The following CASS4 variants were observed in gnomAD, a reference collection of about 807,000 sequenced individuals.
CASS4 encodes cas scaffolding protein family member 4.
CASS4 carries 22 observed loss-of-function variants against 54.2 expected under a neutral mutation model. The observed-to-expected ratio is 0.41, with a 90% CI of 0.29 to 0.58. The LOEUF (loss-of-function observed/expected upper bound fraction) is 0.58, where lower values mean the gene tolerates loss of function less well. CASS4 is among the 20% of genes least tolerant of loss of function. The pLI is 0.36. For missense variants in CASS4, 854 were observed against 986.7 expected (o/e 0.87, Z 1.80); for synonymous variants, 409 against 391.5 (o/e 1.04, Z -0.53).
At chr20:56,447,925 G>A (rs370178675) in intron 3 of CASS4, among the ~76,000 whole-genome samples, 2 of 152,184 alleles carry the variant, frequency 1.3e-5, no homozygotes, top group South Asian at 4.1e-4. Context: ...GGTAGATCAC[G>A]AGGTCAGGAG....
intron 1 of CASS4, among the ~76,000 whole-genome samples, chr20:56,417,587 T>G (rs1424777809): frequency 1.3e-5 from 2 of 152,252 alleles, no homozygotes; most frequent in African/African-American, 2.4e-5. Context: ...GCTTTCTTAC[T>G]CAGTGCTGCA....
intron 1 of CASS4, among the ~76,000 whole-genome samples, chr20:56,422,644 G>A (rs956951265): frequency 3.3e-5 from 5 of 152,144 alleles, no homozygotes; most frequent in Non-Finnish European, 5.9e-5. Flanking sequence ...CCGTTAGTAG[G>A]CAGTGCCTCC....
chr20:56,422,797 C>T lies in CASS4; in HGVS notation c.36+10303C>T, dbSNP rs114995219. Among the ~76,000 whole-genome samples, 1,235 of 152,308 alleles carry T rather than the reference C, an allele frequency of 8.1e-3. 16 individuals are homozygous for T. Among genetic ancestry groups the T allele is most frequent in the African/African-American group, 0.029 (1,185 of 41,564 alleles). ...TATTCACAGCATGTGCCATTCTCCA[C>T]GATTATTTTTAGAGGTCTTAAGAAA... On this transcript the variant is annotated intron_variant, in intron 1 of 5. Transcript: ENST00000679887.
chr20:56,419,721 G>A (rs550389623), intron 1 of CASS4, among the ~76,000 whole-genome samples: 36 of 144,794 alleles, frequency 2.5e-4, no homozygotes, highest in East Asian at 2.5e-4. Flanking sequence ...GTGAGCCACC[G>A]TGCCCGGCTA....
In CASS4 at chr20:56,414,505, C is replaced by T. The variant is rs1194725230; in HGVS notation, c.36+2011C>T. On this transcript the variant is annotated intron_variant, in intron 1 of 5. Coordinates refer to ENST00000679887, the MANE Select transcript of CASS4 (RefSeq NM_020356.4). This position sits in a 1 kb window ranked among gnomAD's most constrained non-coding sequence, Gnocchi z 4.1. ...TGTTGTCCAAGCTGGACTCAAATTC[C>T]TGAACTCAGGTGATTCTTCTGCCTC... Among the ~76,000 whole-genome samples, 1 of 152,090 alleles carries T rather than the reference C, an allele frequency of 6.6e-6. No homozygotes were observed. The highest frequency in any genetic ancestry group is 1.5e-5 in the Non-Finnish European group (1 of 68,020).
Position 56,430,163 on chromosome 20 carries a change from T to G in CASS4, c.37-7001T>G, listed in dbSNP as rs1337395511. On this transcript the variant is annotated intron_variant, in intron 1 of 5. Coordinates refer to ENST00000679887, the MANE Select transcript of CASS4 (RefSeq NM_020356.4). This position sits in a 1 kb window ranked among gnomAD's most constrained non-coding sequence, Gnocchi z 4.2. ...CAGCTAAGACCACTGTATCCTTGGC[T>G]GCTCGGGTTTAGATGAGCACATTGC... Among the ~76,000 whole-genome samples, 1 of 152,246 alleles carries G rather than the reference T, an allele frequency of 6.6e-6. No homozygotes were observed. Among genetic ancestry groups the G allele is most frequent in the Non-Finnish European group, 1.5e-5 (1 of 68,038 alleles).
In CASS4 at chr20:56,445,970, C is replaced by T. The variant is rs1399001002; in HGVS notation, c.530C>T (p.Pro177Leu). The change falls in exon 3 of 6, where the codon CCT (proline) becomes CTT (leucine). Residue 177 changes from proline to leucine, a missense_variant. Coordinates refer to ENST00000679887, the MANE Select transcript of CASS4 (RefSeq NM_020356.4). Reference sequence around the variant, plus strand: ...CTGCCTTCCCAGGTGTATGACGTGCCTACCCAGCACCGGGGCCCCGTGGTC... The same window carrying T: ...CTGCCTTCCCAGGTGTATGACGTGCTTACCCAGCACCGGGGCCCCGTGGTC... ...PTLPSQVYDV[P>L]TQHRGPVVLK... 6 of 1,613,904 alleles carry T rather than the reference C, an allele frequency of 3.7e-6. No individual in the cohort carries two copies. The African/African-American group carries it at 8.0e-5, about 22-fold the overall frequency.
intron 1 of CASS4, among the ~76,000 whole-genome samples, chr20:56,416,089 G>A (rs546537097): frequency 3.5e-4 from 53 of 152,196 alleles, no homozygotes; most frequent in African/African-American, 7.7e-4. Flanking sequence ...TCACTCTGTC[G>A]TCCAGGCTGG....
At position 56,459,543 on chromosome 20, in the gene CASS4, G is replaced by T; in HGVS notation, c.*796G>T. The T allele has an allele frequency of 4.4e-6, 1 of 225,634 alleles. No individual in the cohort carries two copies. The highest frequency in any genetic ancestry group is 1.0e-5 in the Non-Finnish European group (1 of 100,442). The allele number at this position is 225,634 out of a possible 1,614,324, so 14.0% of individuals were successfully genotyped here. A position where few individuals can be genotyped will look rare whatever the true frequency, so the allele number is the denominator to read the frequency against. On this transcript the variant is annotated 3_prime_UTR_variant, in exon 6 of 6. Transcript: ENST00000679887. ...GGGGCGATTTTGTTTTAATTTCTCG[G>T]TCAGGAATCACTTAATCCTGGAAGT...
At position 56,437,617 on chromosome 20, in the gene CASS4, T is replaced by C. The variant is rs1391795818; in HGVS notation, c.459+31T>C. ...CATACTTCCACCTACTAGACATGGG[T>C]TGAGGGGTATGGAAACACCCAGAGG... On this transcript the variant is annotated intron_variant, in intron 2 of 5. Coordinates refer to ENST00000679887, the MANE Select transcript of CASS4 (RefSeq NM_020356.4). The surrounding 1 kb of genome is among the most constrained non-coding windows in gnomAD (Gnocchi z 4.7). 8 of 1,506,568 alleles carry C rather than the reference T, an allele frequency of 5.3e-6. No homozygotes were observed. The highest frequency in any genetic ancestry group is 6.2e-6 in the Non-Finnish European group (7 of 1,125,940). The allele number at this position is 1,506,568 out of a possible 1,614,324, so 93.3% of individuals were successfully genotyped here.
chr20:56,458,522 G>C lies in CASS4; in HGVS notation c.2136G>C (p.Val712=). 6.2e-7 allele frequency: 1 copy of C among 1,614,196 alleles called. No individual in the cohort carries two copies. The highest frequency in any genetic ancestry group is 2.2e-5 in the East Asian group (1 of 44,886). Residue 712 remains valine, a synonymous_variant, in exon 6 of 6, where the codon GTG becomes GTC. Transcript: ENST00000679887. ...IITQSKLVIM[V]GQKLVDTLCM... ...CTCAGAGCAAGCTGGTCATCATGGT[G>C]GGACAGAAGCTGGTGGACACGCTGT...
rs1031858641 is a variant in CASS4 at position 56,446,894 on chromosome 20, T to C, written c.561+893T>C. On this transcript the variant is annotated intron_variant, in intron 3 of 5. Coordinates refer to ENST00000679887, the MANE Select transcript of CASS4 (RefSeq NM_020356.4). ...AAAATTTCAAGCAGGCTCTGTGACT[T>C]CCTGGTCACTCACAGGTAATAAGTC... Among the ~76,000 whole-genome samples the C allele has an allele frequency of 7.2e-5, 11 of 152,250 alleles. 1 individual carries two copies. In the Middle Eastern group the frequency reaches 0.014, roughly 188 times the overall value.
At chr20:56,420,839 G>A (rs1353766021) in intron 1 of CASS4, among the ~76,000 whole-genome samples, 6 of 151,786 alleles carry the variant, frequency 4.0e-5, no homozygotes, top group African/African-American at 1.5e-4. Flanking sequence ...TGGGAGTCAG[G>A]GCCAGTTACA....
Position 56,452,263 on chromosome 20 carries a change from G to C in CASS4, c.1087G>C (p.Gly363Arg), listed in dbSNP as rs779969415. ...PKATSSVSQA[G>R]KELEKAKEVS... ...AGCAACGTCGAGTGTTTCTCAGGCT[G>C]GGAAGGAGCTGGAGAAAGCCAAGGA... is the stretch of plus-strand genomic sequence containing the variant. Residue 363 changes from glycine to arginine, a missense_variant, in exon 5 of 6, where the codon GGG becomes CGG. By Grantham distance (125) the Gly-to-Arg change is moderately radical. Transcript: ENST00000679887. 2.5e-6 allele frequency: 4 copies of C among 1,613,988 alleles called. No homozygotes were observed. The Admixed American group carries it at 5.0e-5, about 20-fold the overall frequency.
Position 56,432,109 on chromosome 20 carries a change from A to G in CASS4, c.37-5055A>G, listed in dbSNP as rs1979932748. On this transcript the variant is annotated intron_variant, in intron 1 of 5. Transcript: ENST00000679887. Reference sequence around the variant, plus strand: ...CCAACTTGAATGAATTTATTTTTAAAAAGAGATCATTGAGGGGCTAGGTAG... The same window carrying G: ...CCAACTTGAATGAATTTATTTTTAAGAAGAGATCATTGAGGGGCTAGGTAG... Among the ~76,000 whole-genome samples, 6 of 152,082 alleles carry G rather than the reference A, an allele frequency of 3.9e-5. No homozygotes were observed. The South Asian group carries it at 6.2e-4, about 16-fold the overall frequency.
In CASS4 at chr20:56,452,488, G is replaced by A. The variant is rs753583968; in HGVS notation, c.1312G>A (p.Asp438Asn). ...ESAKELSLDL[D>N]VAKETVMALQ... ...AGCAAAGGAGCTCTCCTTGGACCTG[G>A]ATGTGGCCAAGGAGACAGTGATGGC... The change falls in exon 5 of 6, where the codon GAT (aspartate) becomes AAT (asparagine). Residue 438 changes from aspartate (D) to asparagine (N), a missense_variant. Transcript: ENST00000679887. 4.1e-5 allele frequency: 66 copies of A among 1,613,662 alleles called. No individual in the cohort carries two copies. Among genetic ancestry groups the A allele is most frequent in the Non-Finnish European group, 5.9e-6 (7 of 1,179,786 alleles).
chr20:56,413,672 CAAAAAAAAAAAA>C (rs35217347), intron 1 of CASS4, among the ~76,000 whole-genome samples: 16 of 28,310 alleles, frequency 5.7e-4, no homozygotes, highest in African/African-American at 1.8e-3. Context: ...GACTCTGTCT[CAAAAAAAAAAAA>C]AAAAAAAAAA....
Position 56,452,779 on chromosome 20 carries a change from G to T in CASS4, c.1603G>T (p.Glu535Ter), listed in dbSNP as rs770901628. 1 of 1,614,058 alleles carries T rather than the reference G, an allele frequency of 6.2e-7. No homozygotes were observed. Among genetic ancestry groups the T allele is most frequent in the East Asian group, 2.2e-5 (1 of 44,860 alleles). The change falls in exon 5 of 6, where the codon GAA (glutamate) becomes TAA (stop). Residue 535 changes from glutamate (E) to a stop codon, truncating the protein, a stop_gained. Coordinates refer to ENST00000679887, the MANE Select transcript of CASS4 (RefSeq NM_020356.4). LOFTEE classifies it high-confidence loss of function. ...NSYRILLETK[E>*]SLDNRNWPLE... ...CTACCGCATCCTGCTTGAAACAAAG[G>T]AAAGCTTGGATAATCGCAATTGGCC... is the stretch of plus-strand genomic sequence containing the variant.
chr20:56,445,556 A>G (rs1419338667), intron 2 of CASS4, among the ~76,000 whole-genome samples: 1 of 152,234 alleles, frequency 6.6e-6, no homozygotes, highest in African/African-American at 2.4e-5. Flanking sequence ...TCACCTGGCA[A>G]GCTTGTTAAC....
Sources: allele counts gnomAD v4.1 joint callset (sites outside exome capture counted in the v4.1 genomes callset), GRCh38; gene constraint gnomAD v4.1.1; non-coding constraint Gnocchi (gnomAD v3.1); transcripts MANE v1.5; gene names NCBI Gene and HGNC (gene_info 2026-07-23, HGNC 2026-07-21).